The following IPCEF1 variants were observed in gnomAD, a reference collection of about 807,000 sequenced individuals.
The protein encoded by IPCEF1 is interactor protein for cytohesin exchange factors 1.
A neutral mutation model predicts 50.9 loss-of-function variants in IPCEF1; 31 were observed. The observed-to-expected ratio is 0.61, with a 90% CI of 0.46 to 0.82. The LOEUF (loss-of-function observed/expected upper bound fraction) is 0.82. Ranked by LOEUF, IPCEF1 falls within the 40% of genes least tolerant of loss-of-function variation. The pLI is 0.00. For synonymous variants in IPCEF1, 181 were observed against 192.0 expected, an observed-to-expected ratio of 0.94 and a Z score of 0.47; for missense variants, 458 against 514.0, an observed-to-expected ratio of 0.89 and a Z score of 1.05.
Position 154,158,436 on chromosome 6 carries a change from C to A in IPCEF1, c.*1392G>T, listed in dbSNP as rs1371802287. On this transcript the variant is annotated 3_prime_UTR_variant, in exon 12 of 12. Coordinates refer to ENST00000367220, the MANE Select transcript of IPCEF1 (RefSeq NM_001130700.2). ...TGAAAAGATGACATTAGTTGTGTTG[C>A]CTTTGGTCTAAGGTTTGCAGGCATA... is the stretch of plus-strand genomic sequence containing the variant. The A allele has an allele frequency of 6.6e-6, 1 of 152,054 alleles. No individual in the cohort carries two copies. Among genetic ancestry groups the A allele is most frequent in the African/African-American group, 2.4e-5 (1 of 41,380 alleles). The allele number at this position is 152,054 out of a possible 1,614,324, so 9.4% of individuals were successfully genotyped here.
At chr6:154,333,072 T>G (rs1783708957) in intron 1 of IPCEF1, among the ~76,000 whole-genome samples, 2 of 152,192 alleles carry the variant, frequency 1.3e-5, no homozygotes, top group African/African-American at 4.8e-5. Context: ...CTCCCAACGC[T>G]AGATTAACTT....
intron 1 of IPCEF1, among the ~76,000 whole-genome samples, chr6:154,310,185 C>A (rs1441492088): frequency 1.3e-5 from 2 of 152,176 alleles, no homozygotes; most frequent in African/African-American, 4.8e-5. Context: ...TGGAGCTCAA[C>A]CTCAGCTGAA....
rs554155982 is a variant in IPCEF1, at chr6:154,278,650, T to C, written c.-18+11063A>G. 3.1e-3 allele frequency among the ~76,000 whole-genome samples: 467 copies of C among 152,224 alleles called. 4 individuals carry two copies. The highest frequency in any genetic ancestry group is 0.011 in the African/African-American group (444 of 41,524). On this transcript the variant is annotated intron_variant, in intron 2 of 11. Transcript: ENST00000367220. ...CATGTTGAAACCTTTTCCTTTGATA[T>C]TAGGAATAAGCCAAAGATTCTCATT... is the stretch of plus-strand genomic sequence containing the variant.
chr6:154,212,936 T>C (rs770790319), intron 8 of IPCEF1, 81 bp from the exon 9 acceptor site: 1 of 946,710 alleles, frequency 1.1e-6, no homozygotes. Flanking sequence ...TTTATCTCCA[T>C]CTGGCTATTG....
intron 11 of IPCEF1, among the ~76,000 whole-genome samples, chr6:154,166,087 C>A (rs1799402252): frequency 6.6e-6 from 1 of 152,270 alleles, no homozygotes; most frequent in South Asian, 2.1e-4. Flanking sequence ...GAGCAAGCCA[C>A]ACCCAGATTC....
chr6:154,276,599 G>A (rs1396279070), intron 2 of IPCEF1, among the ~76,000 whole-genome samples: 4 of 152,216 alleles, frequency 2.6e-5, no homozygotes, highest in Admixed American at 2.6e-4. Flanking sequence ...GGACTAACTA[G>A]TTTACATAGC....
intron 2 of IPCEF1, among the ~76,000 whole-genome samples, chr6:154,274,776 G>C (rs1782013150): frequency 6.6e-6 from 1 of 152,186 alleles, no homozygotes; most frequent in Non-Finnish European, 1.5e-5. Context: ...AGAGCACCCA[G>C]AGCCCAGCCC....
Position 154,201,559 on chromosome 6 carries a change from A to ACAT in IPCEF1, c.538-1522_538-1520dup, listed in dbSNP as rs1189851672. ...AGGCATTTTATGGTTCAGTTGCATTACATCATCCTATGGGACATGCCTGTC... is the reference window on the plus strand; with the variant it reads ...AGGCATTTTATGGTTCAGTTGCATTACATCATCATCCTATGGGACATGCCTGTC... On this transcript the variant is annotated intron_variant, in intron 9 of 11. Coordinates refer to ENST00000367220, the MANE Select transcript of IPCEF1 (RefSeq NM_001130700.2). Among the ~76,000 whole-genome samples, 50 of 152,332 alleles carry ACAT rather than the reference A, an allele frequency of 3.3e-4. 1 individual carries two copies. The highest frequency in any genetic ancestry group is 8.3e-4 in the South Asian group (4 of 4,822).
intron 10 of IPCEF1, among the ~76,000 whole-genome samples, chr6:154,192,597 T>C (rs1467830498): frequency 1.3e-5 from 2 of 151,994 alleles, no homozygotes; most frequent in African/African-American, 2.4e-5. Context: ...GGAGAAAATC[T>C]TCATAATCTG....
rs138074243 is a variant in IPCEF1 at position 154,281,954 on chromosome 6, A to G, written c.-18+7759T>C. On this transcript the variant is annotated intron_variant, in intron 2 of 11. Transcript: ENST00000367220. Reference sequence around the variant, plus strand: ...AGAAGGTAGAGGTTGCAATGAGCCAAGATGGCACCATTGCACTCCAGCCTG... The same window carrying G: ...AGAAGGTAGAGGTTGCAATGAGCCAGGATGGCACCATTGCACTCCAGCCTG... Among the ~76,000 whole-genome samples, 930 of 152,322 alleles carry G rather than the reference A, an allele frequency of 6.1e-3. 15 individuals carry two copies. Among genetic ancestry groups the G allele is most frequent in the African/African-American group, 0.021 (885 of 41,566 alleles).
intron 3 of IPCEF1, among the ~76,000 whole-genome samples, chr6:154,262,334 C>T (rs1781622193): frequency 6.6e-6 from 1 of 152,186 alleles, no homozygotes; most frequent in Non-Finnish European, 1.5e-5. Flanking sequence ...TCGGGAATTA[C>T]GTGGATGATA....
intron 3 of IPCEF1, among the ~76,000 whole-genome samples, chr6:154,263,276 T>C (rs538395394): frequency 6.6e-6 from 1 of 150,538 alleles, no homozygotes; most frequent in East Asian, 1.9e-4. Context: ...TTGATCATTC[T>C]TGGGTGTTTC....
At chr6:154,332,288 GTT>G (rs59261360) in intron 1 of IPCEF1, among the ~76,000 whole-genome samples, 55,071 of 140,480 alleles carry the variant, frequency 0.39, 10,671 homozygotes, top group East Asian at 0.64. Context: ...TGTGTGAGTG[GTT>G]TTTTTTTTTT....
intron 1 of IPCEF1, among the ~76,000 whole-genome samples, chr6:154,356,058 G>A (rs1252464257): frequency 6.6e-6 from 1 of 152,170 alleles, no homozygotes. Context: ...AGAGCCCACT[G>A]CTGTAGTCAA....
intron 1 of IPCEF1, among the ~76,000 whole-genome samples, chr6:154,352,216 C>G (rs1487951863): frequency 6.6e-6 from 1 of 151,974 alleles, no homozygotes; most frequent in African/African-American, 2.4e-5. Flanking sequence ...AATAAAAGTG[C>G]AGATCACAGT....
intron 1 of IPCEF1, among the ~76,000 whole-genome samples, chr6:154,313,000 C>A (rs1421137193): frequency 2.9e-5 from 4 of 138,766 alleles, no homozygotes; most frequent in Non-Finnish European, 6.0e-5. Flanking sequence ...TCACTTGAGC[C>A]CAGGAAGGGA....
chr6:154,200,261 G>A (rs763744718), intron 9 of IPCEF1, among the ~76,000 whole-genome samples: 3 of 152,060 alleles, frequency 2.0e-5, no homozygotes, highest in Admixed American at 6.6e-5. Context: ...CACTGTTCTA[G>A]GATCTGAAAA....
At chr6:154,334,193 A>C (rs545297150) in intron 1 of IPCEF1, among the ~76,000 whole-genome samples, 1 of 152,342 alleles carries the variant, frequency 6.6e-6, no homozygotes, top group Non-Finnish European at 1.5e-5. Flanking sequence ...CATCAGTGTT[A>C]GTAACTCATA....
intron 1 of IPCEF1, among the ~76,000 whole-genome samples, chr6:154,320,586 GAAT>G (rs1211618358): frequency 6.6e-6 from 1 of 152,158 alleles, no homozygotes; most frequent in East Asian, 1.9e-4. Flanking sequence ...TTGGTTTATG[GAAT>G]AATAAGAAAA....
Sources: gnomAD v4.1 joint callset for allele counts (sites outside exome capture counted in the v4.1 genomes callset) on GRCh38, gnomAD v4.1.1 for gene constraint, MANE v1.5 for transcripts, NCBI Gene and HGNC (gene_info 2026-07-23, HGNC 2026-07-21) for gene names.